Variants in PDCL2 observed in about 807,000 individuals in gnomAD.
PDCL2 encodes the protein phosducin-like protein 2.
In PDCL2, 23 loss-of-function variants were observed where a neutral mutation model predicts 30.3. That is an observed-to-expected ratio of 0.76 (90% CI 0.55 to 1.08). PDCL2 has a LOEUF of 1.08. Among genes scored for constraint, PDCL2 ranks in the 50% least tolerant of loss-of-function variants. The probability of loss-of-function intolerance (pLI) is 0.00; values close to 1 mark genes in which losing one functional copy is unlikely to be tolerated. For missense variants in PDCL2, 243 were observed against 282.3 expected, an observed-to-expected ratio of 0.86 and a Z score of 1.00; for synonymous variants, 68 against 86.2, an observed-to-expected ratio of 0.79 and a Z score of 1.17.
At chr4:55,591,627 G>T (rs1442185631) in intron 1 of PDCL2, among the ~76,000 whole-genome samples, 1 of 152,088 alleles carries the variant, frequency 6.6e-6, no homozygotes, top group Non-Finnish European at 1.5e-5. Flanking sequence ...CCTGTGATCC[G>T]CCCGCCTCCG....
intron 3 of PDCL2, among the ~76,000 whole-genome samples, chr4:55,576,181 T>C (rs1459979022): frequency 6.6e-6 from 1 of 152,158 alleles, no homozygotes; most frequent in Non-Finnish European, 1.5e-5. Flanking sequence ...AACCTCTGCC[T>C]CCCAGGTTCA....
chr4:55,588,504 T>C (rs1167969706), intron 1 of PDCL2, among the ~76,000 whole-genome samples: 1 of 152,196 alleles, frequency 6.6e-6, no homozygotes, highest in Admixed American at 6.5e-5. Flanking sequence ...CTTACACATA[T>C]TGAATGATGT....
At chr4:55,586,396 A>G (rs769490612) in intron 1 of PDCL2, among the ~76,000 whole-genome samples, 6 of 152,190 alleles carry the variant, frequency 3.9e-5, no homozygotes, top group Non-Finnish European at 8.8e-5. Flanking sequence ...CATGTATTTG[A>G]CTATTCTGTG....
intron 5 of PDCL2, among the ~76,000 whole-genome samples, chr4:55,558,723 G>GA (rs926709697): frequency 2.3e-4 from 35 of 152,180 alleles, no homozygotes; most frequent in African/African-American, 7.9e-4. Context: ...CTTTTCAAAA[G>GA]AAAGCACGAA....
intron 1 of PDCL2, among the ~76,000 whole-genome samples, chr4:55,588,833 G>T (rs1231057007): frequency 1.3e-5 from 2 of 149,880 alleles, no homozygotes; most frequent in African/African-American, 2.5e-5. Flanking sequence ...TACTCTATTT[G>T]TCTGTTTTAT....
At chr4:55,559,386 T>C (rs1185229497) in intron 5 of PDCL2, among the ~76,000 whole-genome samples, 1 of 152,192 alleles carries the variant, frequency 6.6e-6, no homozygotes, top group Non-Finnish European at 1.5e-5. Flanking sequence ...GAATAGCTGA[T>C]TATAGAATGC....
chr4:55,583,951 T>C (rs1732791295), intron 1 of PDCL2, among the ~76,000 whole-genome samples: 1 of 152,212 alleles, frequency 6.6e-6, no homozygotes. Flanking sequence ...AAAGGGCATA[T>C]TGGAATCTTG....
At chr4:55,562,933 A>C in intron 4 of PDCL2, among the ~76,000 whole-genome samples, 1 of 148,642 alleles carries the variant, frequency 6.7e-6, no homozygotes, top group Non-Finnish European at 1.5e-5. Flanking sequence ...AAAAAACAGG[A>C]CACTTCTAGG....
At chr4:55,568,781 A>G (rs1732334697) in intron 4 of PDCL2, among the ~76,000 whole-genome samples, 1 of 152,180 alleles carries the variant, frequency 6.6e-6, no homozygotes, top group South Asian at 2.1e-4. Flanking sequence ...GGACACTCTT[A>G]ATCACTGGAT....
chr4:55,571,706 G>T (rs555406812), intron 3 of PDCL2, among the ~76,000 whole-genome samples: 1 of 132,562 alleles, frequency 7.5e-6, no homozygotes, highest in South Asian at 2.4e-4. Flanking sequence ...AAAAATTTTT[G>T]ACCTTATTTC....
chr4:55,570,165 T>C (rs1365754945), intron 3 of PDCL2, among the ~76,000 whole-genome samples: 1 of 152,214 alleles, frequency 6.6e-6, no homozygotes, highest in African/African-American at 2.4e-5. Context: ...CAAATTCTCA[T>C]GTACAAGTTG....
rs1430347937 is a variant in PDCL2 at position 55,591,245 on chromosome 4, T to C, written c.6+859A>G. ...AGTGGTTTTAATCTGCAGGAGCAGG[T>C]GGGGAAAAGGTGTTTCTGTAAGTTA... is the stretch of plus-strand genomic sequence containing the variant. On this transcript the variant is annotated intron_variant, in intron 1 of 5. Transcript: ENST00000295645. Among the ~76,000 whole-genome samples the C allele has an allele frequency of 3.4e-5, 5 of 148,776 alleles. No homozygotes were observed. The East Asian group carries it at 5.8e-4, about 17-fold the overall frequency.
At chr4:55,564,603 C>T (rs1355178787) in intron 4 of PDCL2, among the ~76,000 whole-genome samples, 1 of 152,020 alleles carries the variant, frequency 6.6e-6, no homozygotes, top group African/African-American at 2.4e-5. Context: ...TAAATAAAAC[C>T]AGAAACAAGA....
At chr4:55,567,844 C>T (rs111534564) in intron 4 of PDCL2, among the ~76,000 whole-genome samples, 3 of 152,290 alleles carry the variant, frequency 2.0e-5, no homozygotes, top group African/African-American at 7.2e-5. Context: ...GTCTTCTGGG[C>T]AGCTATCCTC....
At chr4:55,582,387 C>G (rs1732740238) in intron 1 of PDCL2, 150 bp from the exon 2 acceptor site, 1 of 818,958 alleles carries the variant, frequency 1.2e-6, no homozygotes, top group Non-Finnish European at 1.8e-6. Flanking sequence ...AAGTGACCTA[C>G]TTTTTCCTGC....
chr4:55,573,375 C>T (rs994812880), intron 3 of PDCL2, among the ~76,000 whole-genome samples: 1 of 152,144 alleles, frequency 6.6e-6, no homozygotes, highest in African/African-American at 2.4e-5. Context: ...ACATTTGTCT[C>T]TCCTTTTTTG....
intron 1 of PDCL2, among the ~76,000 whole-genome samples, chr4:55,585,340 C>G (rs1027839968): frequency 2.6e-5 from 4 of 152,072 alleles, no homozygotes; most frequent in African/African-American, 9.7e-5. Flanking sequence ...CCAGCCTGGC[C>G]AACATGGTGA....
intron 3 of PDCL2, among the ~76,000 whole-genome samples, chr4:55,573,521 G>A (rs897056240): frequency 2.0e-5 from 3 of 152,076 alleles, no homozygotes; most frequent in Non-Finnish European, 4.4e-5. Context: ...AGGCCAAGGC[G>A]GGCAGATCAC....
chr4:55,580,096 C>T (rs1732673474), intron 3 of PDCL2, among the ~76,000 whole-genome samples: 1 of 152,168 alleles, frequency 6.6e-6, no homozygotes, highest in Non-Finnish European at 1.5e-5. Context: ...ATCCGTCTGC[C>T]TCAGCCTCCC....
Sources: allele counts gnomAD v4.1 joint callset (sites outside exome capture counted in the v4.1 genomes callset), GRCh38; gene constraint gnomAD v4.1.1; transcripts MANE v1.5; gene names NCBI Gene and HGNC (gene_info 2026-07-23, HGNC 2026-07-21).